E2F6: variants seen among roughly 807,000 people sequenced by gnomAD.
E2F6 encodes the protein transcription factor E2F6.
E2F6 carries 19 observed loss-of-function variants against 31.5 expected under a neutral mutation model. The observed-to-expected ratio is 0.60, with a 90% CI of 0.42 to 0.89. E2F6 has a LOEUF of 0.89. E2F6 is among the 40% of genes least tolerant of loss of function. E2F6 has a pLI of 0.00. For synonymous variants in E2F6, 121 were observed against 127.7 expected (o/e 0.95, Z 0.36); for missense variants, 269 against 341.6 (o/e 0.79, Z 1.67).
rs1383741538 is a variant in E2F6, at chr2:11,444,742, C to G, written c.*1735G>C. 1.3e-5 allele frequency: 2 copies of G among 152,228 alleles called. No individual in the cohort carries two copies. The highest frequency in any genetic ancestry group is 3.8e-4 in the East Asian group (2 of 5,198). The allele number at this position is 152,228 out of a possible 1,614,324, so 9.4% of individuals were successfully genotyped here. A position where few individuals can be genotyped will look rare whatever the true frequency, so the allele number is the denominator to read the frequency against. ...TGCCTGACGTACTACACAGCTCAGA[C>G]TTTTCCGCTGAGCACCTGACCTACA... is the stretch of plus-strand genomic sequence containing the variant. On this transcript the variant is annotated 3_prime_UTR_variant, in exon 7 of 7. Transcript: ENST00000381525.
At chr2:11,459,894 AAGAT>A (rs1671662218) in intron 1 of E2F6, among the ~76,000 whole-genome samples, 1 of 152,184 alleles carries the variant, frequency 6.6e-6, no homozygotes, top group Admixed American at 6.5e-5. Flanking sequence ...AAAAAAAAAA[AAGAT>A]GATAAATAGG....
intron 2 of E2F6, among the ~76,000 whole-genome samples, chr2:11,454,418 G>A (rs901598669): frequency 6.6e-6 from 1 of 151,040 alleles, no homozygotes; most frequent in Non-Finnish European, 1.5e-5. Flanking sequence ...GCAGTGGCGC[G>A]ATCCTGGCTC....
At chr2:11,450,173 AG>A (rs759373860) in intron 4 of E2F6, 47 bp from the exon 5 acceptor site, 6 of 1,303,556 alleles carry the variant, frequency 4.6e-6, no homozygotes, top group Admixed American at 4.0e-5. Context: ...TTTACTGGGG[AG>A]GTAATTTATC....
chr2:11,454,063 T>C (rs1671240995), intron 2 of E2F6, among the ~76,000 whole-genome samples: 1 of 152,232 alleles, frequency 6.6e-6, no homozygotes, highest in African/African-American at 2.4e-5. Context: ...CATGTGGACT[T>C]TCACAAGTCT....
chr2:11,459,735 T>A (rs1358619904), intron 1 of E2F6, among the ~76,000 whole-genome samples: 1 of 151,862 alleles, frequency 6.6e-6, no homozygotes, highest in East Asian at 1.9e-4. Context: ...ATACAAAAAA[T>A]TAGCTGGGGG....
rs1672203916 is a variant in E2F6, at chr2:11,466,145, C to G, written c.-266G>C. On this transcript the variant is annotated 5_prime_UTR_variant, in exon 1 of 7. Coordinates refer to ENST00000381525, the MANE Select transcript of E2F6 (RefSeq NM_198256.4). ...CAAGTCGCCCGGCCCGCCATCTTCC[C>G]GCATGCGCAGTACACCGCCCCCCTC... 4.5e-6 allele frequency: 2 copies of G among 445,052 alleles called. No homozygotes were observed. The highest frequency in any genetic ancestry group is 3.1e-5 in the South Asian group (1 of 32,058). 27.6% of individuals were successfully genotyped at this position (445,052 alleles called of 1,614,324 possible).
At position 11,457,219 on chromosome 2, in the gene E2F6, C is replaced by A; in HGVS notation, c.123G>T (p.Arg41Ser). The A allele has an allele frequency of 6.4e-7, 1 of 1,553,430 alleles. No homozygotes were observed. The highest frequency in any genetic ancestry group is 1.1e-5 in the South Asian group (1 of 88,888). ...ATTGTACATTATCTTCTAAATTAATCCTTATTTTTGATGGCTGAAAAAAAA... is the reference window on the plus strand; with the variant it reads ...ATTGTACATTATCTTCTAAATTAATACTTATTTTTGATGGCTGAAAAAAAA... Reference protein sequence around the residue: ...NVEGLLPSKIRINLEDNVQYV... With the variant: ...NVEGLLPSKISINLEDNVQYV... The change falls in exon 2 of 7, where the codon AGG becomes AGT. Residue 41 changes from arginine to serine, a missense_variant. Arg to Ser is a moderately radical substitution (Grantham distance 110). Transcript: ENST00000381525.
At chr2:11,455,219 G>T (rs1033712210) in intron 2 of E2F6, 1 of 773,242 alleles carries the variant, frequency 1.3e-6, no homozygotes. Context: ...CTTATGGCTT[G>T]GTTTGCAGAA....
At chr2:11,462,242 T>C (rs993905826) in intron 1 of E2F6, among the ~76,000 whole-genome samples, 1 of 152,206 alleles carries the variant, frequency 6.6e-6, no homozygotes, top group Non-Finnish European at 1.5e-5. Context: ...AGTCCACCCT[T>C]ATCCCTGGGA....
In E2F6 at chr2:11,465,755, C is replaced by A; in HGVS notation, c.108+17G>T. 4.4e-6 allele frequency: 7 copies of A among 1,575,140 alleles called. No homozygotes were observed. Among genetic ancestry groups the A allele is most frequent in the Non-Finnish European group, 6.0e-6 (7 of 1,160,742 alleles). On this transcript the variant is annotated intron_variant, in intron 1 of 6. Coordinates refer to ENST00000381525, the MANE Select transcript of E2F6 (RefSeq NM_198256.4). ...TTGGGAGACCACCGCCCGTCCCCGT[C>A]CCGTCCCGGAGCTTACCAGCAGGCC... is the stretch of plus-strand genomic sequence containing the variant.
chr2:11,455,249 CTT>C (rs979364216), intron 2 of E2F6: 20 of 943,488 alleles, frequency 2.1e-5, no homozygotes, highest in Non-Finnish European at 2.6e-5. Flanking sequence ...TCTAAAATAA[CTT>C]TGTCACTCTG....
At chr2:11,455,041 T>G (rs1490007726) in intron 2 of E2F6, among the ~76,000 whole-genome samples, 1 of 152,238 alleles carries the variant, frequency 6.6e-6, no homozygotes, top group Non-Finnish European at 1.5e-5. Flanking sequence ...GAAACTACTG[T>G]ATGTCCCCTT....
rs1366100528 is a variant in E2F6 at position 11,466,110 on chromosome 2, C to T, written c.-231G>A. ...GCAGACGGAAAAAGAGGAGGGAGAC[C>T]CGCGGATCTCAAGTCGCCCGGCCCG... On this transcript the variant is annotated 5_prime_UTR_variant, in exon 1 of 7. Coordinates refer to ENST00000381525, the MANE Select transcript of E2F6 (RefSeq NM_198256.4). 9 of 488,176 alleles carry T rather than the reference C, an allele frequency of 1.8e-5. No homozygotes were observed. Among genetic ancestry groups the T allele is most frequent in the South Asian group, 8.9e-5 (3 of 33,634 alleles). 30.2% of individuals were successfully genotyped at this position (488,176 alleles called of 1,614,324 possible). A position where few individuals can be genotyped will look rare whatever the true frequency, so the allele number is the denominator to read the frequency against.
intron 2 of E2F6, among the ~76,000 whole-genome samples, chr2:11,454,592 A>G (rs1447666207): frequency 1.3e-5 from 2 of 152,064 alleles, no homozygotes; most frequent in African/African-American, 2.4e-5. Flanking sequence ...CCTGTGATCC[A>G]CCTGCCTCAG....
rs561638735 is a variant in E2F6, at chr2:11,461,157, G to A, written c.109-3924C>T. ...CCCCTTAGACAGGGGTGGAAAGGATGATACCACTGTAGGTGGAAATGCTAC... is the reference window on the plus strand; with the variant it reads ...CCCCTTAGACAGGGGTGGAAAGGATAATACCACTGTAGGTGGAAATGCTAC... On this transcript the variant is annotated intron_variant, in intron 1 of 6. Coordinates refer to ENST00000381525, the MANE Select transcript of E2F6 (RefSeq NM_198256.4). 5.9e-5 allele frequency among the ~76,000 whole-genome samples: 9 copies of A among 152,182 alleles called. No individual in the cohort carries two copies. In the South Asian group the frequency reaches 1.7e-3, roughly 28 times the overall value.
At chr2:11,446,982 T>C (rs1421187083) in intron 6 of E2F6, among the ~76,000 whole-genome samples, 6 of 152,178 alleles carry the variant, frequency 3.9e-5, no homozygotes, top group African/African-American at 9.7e-5. Flanking sequence ...AGTTCTCCAG[T>C]TGGCTGGGTC....
intron 4 of E2F6, 77 bp downstream of exon 4, chr2:11,451,574 T>A: frequency 7.3e-7 from 1 of 1,362,684 alleles, no homozygotes; most frequent in African/African-American, 1.5e-5. Flanking sequence ...ATAAATTAAG[T>A]CCCCAAGCTG....
At chr2:11,464,122 C>T (rs1671971907) in intron 1 of E2F6, among the ~76,000 whole-genome samples, 1 of 152,018 alleles carries the variant, frequency 6.6e-6, no homozygotes, top group East Asian at 1.9e-4. Context: ...CTGGAATTGA[C>T]GAGCTTGTCG....
intron 5 of E2F6, among the ~76,000 whole-genome samples, chr2:11,448,422 C>T (rs1670857686): frequency 6.6e-6 from 1 of 152,166 alleles, no homozygotes; most frequent in Admixed American, 6.5e-5. Context: ...TCAACTATAA[C>T]AAAGTCTGTT....
Sources: gnomAD v4.1 joint callset for allele counts (sites outside exome capture counted in the v4.1 genomes callset) on GRCh38, gnomAD v4.1.1 for gene constraint, MANE v1.5 for transcripts, NCBI Gene and HGNC (gene_info 2026-07-23, HGNC 2026-07-21) for gene names.